Variants in KCNIP1 observed in about 807,000 individuals in gnomAD.
KCNIP1 encodes A-type potassium channel modulatory protein KCNIP1.
Under a neutral mutation model 33.0 loss-of-function variants are expected in KCNIP1, and 18 were observed. That is an observed-to-expected ratio of 0.55 (90% CI 0.38 to 0.81). The LOEUF (loss-of-function observed/expected upper bound fraction) is 0.81. Among genes scored for constraint, KCNIP1 ranks in the 30% least tolerant of loss-of-function variants. The pLI is 0.00. For missense variants in KCNIP1, 238 were observed against 271.6 expected (o/e 0.88, Z 0.87); for synonymous variants, 93 against 98.3 (o/e 0.95, Z 0.32).
At chr5:170,554,099 T>C (rs1365135750) in intron 1 of KCNIP1, among the ~76,000 whole-genome samples, 2 of 152,184 alleles carry the variant, frequency 1.3e-5, no homozygotes, top group Admixed American at 6.5e-5. Flanking sequence ...CTTCTGATTT[T>C]TCATAAGAAC....
Position 170,733,386 on chromosome 5 carries a change from C to T in KCNIP1, c.541-450C>T, listed in dbSNP as rs575656398. On this transcript the variant is annotated intron_variant, in intron 6 of 7. Transcript: ENST00000328939. ...GCATTTTAGGAAAAAATTAATCTAG[C>T]GGTGGAGTATCAGAGAATATCAAGA... is the stretch of plus-strand genomic sequence containing the variant. Among the ~76,000 whole-genome samples the T allele has an allele frequency of 7.9e-5, 12 of 152,236 alleles. No homozygotes were observed. The South Asian group carries it at 8.3e-4, about 11-fold the overall frequency.
chr5:170,405,845 C>A (rs573925132), intron 1 of KCNIP1, among the ~76,000 whole-genome samples: 1 of 152,262 alleles, frequency 6.6e-6, no homozygotes, highest in African/African-American at 2.4e-5. Context: ...CTCTCACAGT[C>A]CCTTTCCACA....
chr5:170,417,330 T>C (rs1755356714), intron 1 of KCNIP1, among the ~76,000 whole-genome samples: 1 of 152,242 alleles, frequency 6.6e-6, no homozygotes, highest in South Asian at 2.1e-4. Flanking sequence ...AATGAACATG[T>C]ACTACATTTA....
rs941416760 is a variant in KCNIP1 at position 170,385,233 on chromosome 5, G to A, written c.88+31269G>A. 58 of 1,469,114 alleles carry A rather than the reference G, an allele frequency of 3.9e-5. No individual in the cohort carries two copies. The African/African-American group carries it at 7.2e-4, about 18-fold the overall frequency. 91.0% of individuals were successfully genotyped at this position (1,469,114 alleles called of 1,614,324 possible). A position where few individuals can be genotyped will look rare whatever the true frequency, so the allele number is the denominator to read the frequency against. ...TTGAATGAGGGTCAAGGAGAGGGGT[G>A]AGTAGAAGGCCAGGGTTCCTTACAG... On this transcript the variant is annotated intron_variant, in intron 1 of 7. Transcript: ENST00000377360.
At chr5:170,527,237 C>T (rs1755612952) in intron 1 of KCNIP1, among the ~76,000 whole-genome samples, 1 of 152,194 alleles carries the variant, frequency 6.6e-6, no homozygotes, top group Non-Finnish European at 1.5e-5. Flanking sequence ...GGGTCTGACA[C>T]ATGGCAGAAG....
At chr5:170,701,788 T>C (rs1432629057) in intron 1 of KCNIP1, among the ~76,000 whole-genome samples, 3 of 152,102 alleles carry the variant, frequency 2.0e-5, no homozygotes, top group Non-Finnish European at 4.4e-5. Context: ...GATGTTACTG[T>C]CCCCTTTTTC....
chr5:170,657,322 C>T (rs986012924), intron 1 of KCNIP1, among the ~76,000 whole-genome samples: 1 of 152,034 alleles, frequency 6.6e-6, no homozygotes, highest in Non-Finnish European at 1.5e-5. Flanking sequence ...TGAATGTGAG[C>T]GGAGGCCCCC....
At chr5:170,422,809 G>A (rs1406601292) in intron 1 of KCNIP1, 1 of 152,212 alleles carries the variant, frequency 6.6e-6, no homozygotes, top group Non-Finnish European at 1.5e-5. Flanking sequence ...AGAGTATGCA[G>A]CATTTCCCAG....
At chr5:170,713,930 A>G (rs1284162152) in intron 1 of KCNIP1, among the ~76,000 whole-genome samples, 1 of 152,098 alleles carries the variant, frequency 6.6e-6, no homozygotes, top group African/African-American at 2.4e-5. Flanking sequence ...AGGCTGAGGC[A>G]GGAGAATTGC....
At chr5:170,643,778 C>A (rs1760674552) in intron 1 of KCNIP1, among the ~76,000 whole-genome samples, 2 of 152,234 alleles carry the variant, frequency 1.3e-5, no homozygotes. Context: ...TGCAGGCAGC[C>A]ATCAGGGCTC....
intron 1 of KCNIP1, among the ~76,000 whole-genome samples, chr5:170,512,647 G>A (rs182591413): frequency 6.6e-6 from 1 of 152,222 alleles, no homozygotes; most frequent in Admixed American, 6.5e-5. Flanking sequence ...AGATGCAGCG[G>A]TCAGCACTCA....
intron 1 of KCNIP1, among the ~76,000 whole-genome samples, chr5:170,404,001 G>A (rs748285614): frequency 1.3e-5 from 2 of 152,110 alleles, no homozygotes; most frequent in African/African-American, 2.4e-5. Context: ...GCTGAGGACC[G>A]CCCTCCAGAA....
chr5:170,493,469 G>A (rs544661071), intron 1 of KCNIP1, among the ~76,000 whole-genome samples: 115 of 152,136 alleles, frequency 7.6e-4, no homozygotes, highest in Non-Finnish European at 1.0e-3. Context: ...TGACTCAGTC[G>A]CTCATTTCAA....
intron 1 of KCNIP1, among the ~76,000 whole-genome samples, chr5:170,461,351 A>C (rs929243799): frequency 1.3e-5 from 2 of 152,228 alleles, no homozygotes; most frequent in African/African-American, 4.8e-5. Context: ...CCACATAGCC[A>C]AAGCAAGACT....
intron 1 of KCNIP1, among the ~76,000 whole-genome samples, chr5:170,403,551 A>G (rs1754961546): frequency 6.6e-6 from 1 of 152,012 alleles, no homozygotes; most frequent in African/African-American, 2.4e-5. Flanking sequence ...ATCTCCTTTT[A>G]CTCTCAAATG....
chr5:170,451,856 T>A (rs1011290991), intron 1 of KCNIP1, among the ~76,000 whole-genome samples: 2 of 151,446 alleles, frequency 1.3e-5, no homozygotes, highest in African/African-American at 4.9e-5. Context: ...TAATATTCCT[T>A]GAGAAAAAGA....
chr5:170,415,557 A>C (rs28705345), intron 1 of KCNIP1, among the ~76,000 whole-genome samples: 7,025 of 152,156 alleles, frequency 0.046, 558 homozygotes, highest in African/African-American at 0.16. Flanking sequence ...CTTTCTGAAC[A>C]GTTTCAGAAG....
chr5:170,450,886 G>GA (rs1197751537), intron 1 of KCNIP1, among the ~76,000 whole-genome samples: 1 of 152,152 alleles, frequency 6.6e-6, no homozygotes, highest in East Asian at 1.9e-4. Flanking sequence ...GAGAGGGTGG[G>GA]ACTGTGGCTG....
intron 1 of KCNIP1, among the ~76,000 whole-genome samples, chr5:170,649,365 TAAG>T (rs1760940477): frequency 6.6e-6 from 1 of 152,198 alleles, no homozygotes; most frequent in Non-Finnish European, 1.5e-5. Flanking sequence ...CCTCTCTTCT[TAAG>T]AATATTTTAT....
Sources: allele counts gnomAD v4.1 joint callset (sites outside exome capture counted in the v4.1 genomes callset), GRCh38; gene constraint gnomAD v4.1.1; transcripts MANE v1.5; gene names NCBI Gene and HGNC (gene_info 2026-07-23, HGNC 2026-07-21).